Variants in KLHL8 observed in about 807,000 individuals in gnomAD.
KLHL8 encodes kelch-like protein 8.
Under a neutral mutation model 63.5 loss-of-function variants are expected in KLHL8, and 38 were observed. The ratio of observed to expected loss-of-function variants is 0.60; its 90% CI spans 0.46 to 0.78. The LOEUF (loss-of-function observed/expected upper bound fraction) is 0.78. Among genes scored for constraint, KLHL8 ranks in the 30% least tolerant of loss-of-function variants. KLHL8 has a pLI of 0.00. For synonymous variants in KLHL8, 224 were observed against 254.3 expected, an observed-to-expected ratio of 0.88 and a Z score of 1.13; for missense variants, 566 against 752.4, an observed-to-expected ratio of 0.75 and a Z score of 2.90.
At position 87,182,229 on chromosome 4, in the gene KLHL8, A is replaced by G. The variant is rs1731082504; in HGVS notation, c.952+974T>C. Among the ~76,000 whole-genome samples the G allele has an allele frequency of 6.9e-5, 4 of 58,242 alleles. 1 individual carries two copies. In the South Asian group the frequency reaches 2.6e-3, roughly 38 times the overall value. The allele number at this position is 58,242 out of a possible 152,430, so 38.2% of individuals were successfully genotyped here. On this transcript the variant is annotated intron_variant, in intron 4 of 9. Transcript: ENST00000273963. Reference sequence around the variant, plus strand: ...ACCTGGGCGACAGAGACTCCGTCTCAAAAAAAAAAAAAAAAAAAAAAATTA... The same window carrying G: ...ACCTGGGCGACAGAGACTCCGTCTCGAAAAAAAAAAAAAAAAAAAAAATTA...
chr4:87,213,479 G>A (rs993072525), intron 1 of KLHL8, among the ~76,000 whole-genome samples: 3 of 152,158 alleles, frequency 2.0e-5, no homozygotes, highest in African/African-American at 4.8e-5. Context: ...ATCCAGGCAC[G>A]GTCCCTCTGA....
chr4:87,193,260 T>C (rs147503879), intron 2 of KLHL8, among the ~76,000 whole-genome samples: 3,769 of 152,274 alleles, frequency 0.025, 94 homozygotes, highest in Middle Eastern at 0.071. Context: ...AATTTTTTTC[T>C]TTTACTTTTT....
At chr4:87,197,355 A>G (rs1376703866) in intron 1 of KLHL8, among the ~76,000 whole-genome samples, 1 of 152,186 alleles carries the variant, frequency 6.6e-6, no homozygotes, top group Admixed American at 6.5e-5. Flanking sequence ...TAGCAGGGAA[A>G]CTATAGGCAA....
intron 8 of KLHL8, chr4:87,167,402 T>C (rs1041441388): frequency 8.8e-6 from 4 of 454,216 alleles, no homozygotes; most frequent in Non-Finnish European, 1.7e-5. Context: ...GAGATTTATC[T>C]GGGTGGGCCA....
At chr4:87,193,575 C>T (rs1731576405) in intron 2 of KLHL8, among the ~76,000 whole-genome samples, 1 of 152,066 alleles carries the variant, frequency 6.6e-6, no homozygotes, top group Non-Finnish European at 1.5e-5. Flanking sequence ...AGAGTACACT[C>T]TACAAAAACA....
intron 8 of KLHL8, among the ~76,000 whole-genome samples, chr4:87,165,665 G>C (rs1026037505): frequency 6.6e-6 from 1 of 151,852 alleles, no homozygotes; most frequent in Non-Finnish European, 1.5e-5. Context: ...CCAAAGTGCT[G>C]GGATTACAGG....
intron 2 of KLHL8, among the ~76,000 whole-genome samples, chr4:87,186,633 C>G (rs1731269607): frequency 6.6e-6 from 1 of 151,954 alleles, no homozygotes; most frequent in South Asian, 2.1e-4. Context: ...CATGTGCCAC[C>G]ACACCCAGCT....
At chr4:87,187,598 T>C (rs1351153334) in intron 2 of KLHL8, among the ~76,000 whole-genome samples, 2 of 152,100 alleles carry the variant, frequency 1.3e-5, no homozygotes, top group African/African-American at 2.4e-5. Context: ...TGGATTTTTA[T>C]GTAATTAAAT....
At chr4:87,211,918 T>C (rs1732421739) in intron 1 of KLHL8, among the ~76,000 whole-genome samples, 2 of 152,200 alleles carry the variant, frequency 1.3e-5, no homozygotes, top group South Asian at 4.1e-4. Flanking sequence ...AGTCCTCTTT[T>C]AGACAGATGT....
intron 1 of KLHL8, among the ~76,000 whole-genome samples, chr4:87,238,788 G>A (rs7668684): frequency 0.14 from 21,046 of 152,110 alleles, 1,598 homozygotes; most frequent in African/African-American, 0.18. Context: ...TATGATAGAA[G>A]GAATCATGAC....
chr4:87,227,626 G>C (rs1578411347), intron 1 of KLHL8, among the ~76,000 whole-genome samples: 2 of 152,136 alleles, frequency 1.3e-5, no homozygotes, highest in Non-Finnish European at 2.9e-5. Flanking sequence ...TCCAGCTGGA[G>C]CAACAAATCC....
intron 1 of KLHL8, chr4:87,220,198 G>A (rs1330397466): frequency 6.6e-6 from 1 of 152,570 alleles, no homozygotes; most frequent in East Asian, 1.9e-4. Flanking sequence ...TCAGGGGCTG[G>A]ATCTCCTGCT....
chr4:87,162,655 CAGTT>C lies in KLHL8; in HGVS notation c.*860_*863del, dbSNP rs1161352501. 1.3e-5 allele frequency: 2 copies of C among 152,110 alleles called. No individual in the cohort carries two copies. The highest frequency in any genetic ancestry group is 2.9e-5 in the Non-Finnish European group (2 of 68,004). The allele number at this position is 152,110 out of a possible 1,614,324, so 9.4% of individuals were successfully genotyped here. On this transcript the variant is annotated 3_prime_UTR_variant, in exon 10 of 10. Transcript: ENST00000273963. ...TCCAAAATCAAATGATCAAAGAAGA[CAGTT>C]AAAGATATTTTCAGACTGCCCACAT...
At chr4:87,221,721 C>A (rs141449574), upstream of KLHL8, among the ~76,000 whole-genome samples, 37 of 151,090 alleles carry the variant, frequency 2.4e-4, no homozygotes, top group East Asian at 6.8e-3. Context: ...CTATAAAAAC[C>A]CCAAAGCAAC....
In KLHL8 at chr4:87,209,182, A is replaced by G. The variant is rs569363136; in HGVS notation, c.-152+11236T>C. Among the ~76,000 whole-genome samples, 428 of 131,056 alleles carry G rather than the reference A, an allele frequency of 3.3e-3. 3 individuals are homozygous for G. Among genetic ancestry groups the G allele is most frequent in the African/African-American group, 0.011 (416 of 39,010 alleles). The allele number at this position is 131,056 out of a possible 152,430, so 86.0% of individuals were successfully genotyped here. A position where few individuals can be genotyped will look rare whatever the true frequency, so the allele number is the denominator to read the frequency against. The stretch of plus-strand genomic sequence containing the variant: ...ACACTCCAGAATTTAAAACAATCAG[A>G]ATTTTTTTAAAAATATGCCTAAGAT... On this transcript the variant is annotated intron_variant, in intron 1 of 9. Coordinates refer to ENST00000273963, the MANE Select transcript of KLHL8 (RefSeq NM_020803.5).
chr4:87,223,173 A>T (rs531628263), upstream of KLHL8, among the ~76,000 whole-genome samples: 5 of 148,188 alleles, frequency 3.4e-5, no homozygotes, highest in Admixed American at 1.4e-4. Context: ...GGGTTTCTCC[A>T]TGTTGCCCAG....
chr4:87,208,314 A>T (rs1732240293), intron 1 of KLHL8, among the ~76,000 whole-genome samples: 1 of 151,516 alleles, frequency 6.6e-6, no homozygotes, highest in East Asian at 1.9e-4. Context: ...AAACAAACAA[A>T]CAAACCTTGG....
chr4:87,202,679 C>T (rs944838945), intron 1 of KLHL8, among the ~76,000 whole-genome samples: 3 of 152,252 alleles, frequency 2.0e-5, no homozygotes, highest in Admixed American at 1.3e-4. Context: ...AATTAAATCA[C>T]GGTTTGAAAA....
intron 7 of KLHL8, 95 bp downstream of exon 7, chr4:87,170,352 T>C (rs955315047): frequency 7.7e-6 from 11 of 1,430,926 alleles, no homozygotes; most frequent in African/African-American, 2.9e-5. Flanking sequence ...TGATATATAA[T>C]ATCTTCATAC....
Sources: gnomAD v4.1 joint callset for allele counts (sites outside exome capture counted in the v4.1 genomes callset) on GRCh38, gnomAD v4.1.1 for gene constraint, MANE v1.5 for transcripts, NCBI Gene and HGNC (gene_info 2026-07-23, HGNC 2026-07-21) for gene names.